Variants in HSD17B4 observed in about 807,000 individuals in gnomAD.
The protein encoded by HSD17B4 is hydroxysteroid 17-beta dehydrogenase 4.
HSD17B4 carries 70 observed loss-of-function variants against 101.0 expected under a neutral mutation model. The ratio of observed to expected loss-of-function variants is 0.69; its 90% CI spans 0.57 to 0.85. The LOEUF (loss-of-function observed/expected upper bound fraction) is 0.85, where lower values mean the gene tolerates loss of function less well. HSD17B4 is among the 40% of genes least tolerant of loss of function. The pLI, the probability that HSD17B4 is intolerant of heterozygous loss-of-function variation, is 0.00. For synonymous variants in HSD17B4, 347 were observed against 297.1 expected, an observed-to-expected ratio of 1.17 and a Z score of -1.73; for missense variants, 984 against 892.4, an observed-to-expected ratio of 1.10 and a Z score of -1.31.
chr5:119,522,146 TCA>T (rs774875183), intron 17 of HSD17B4, among the ~76,000 whole-genome samples: 4 of 152,004 alleles, frequency 2.6e-5, no homozygotes, highest in Non-Finnish European at 5.9e-5. Context: ...CCAAGTGTTC[TCA>T]TTATTCAATT....
intron 8 of HSD17B4, among the ~76,000 whole-genome samples, chr5:119,482,778 C>A (rs564562392): frequency 1.1e-4 from 17 of 151,898 alleles, no homozygotes; most frequent in African/African-American, 3.9e-4. Flanking sequence ...ATACTGGAGC[C>A]CTGTTGATGG....
chr5:119,464,311 A>G lies in HSD17B4; in HGVS notation c.112+7943A>G, dbSNP rs1379661621. Among the ~76,000 whole-genome samples, 4 of 152,032 alleles carry G rather than the reference A, an allele frequency of 2.6e-5. No homozygotes were observed. In the East Asian group the frequency reaches 5.8e-4, roughly 22 times the overall value. ...CCGTATGTTTTCTTCTAGTAGTTTCATAGTTTCAGGTCTTATGTTTAGGTT... is the reference window on the plus strand; with the variant it reads ...CCGTATGTTTTCTTCTAGTAGTTTCGTAGTTTCAGGTCTTATGTTTAGGTT... On this transcript the variant is annotated intron_variant, in intron 2 of 23. Coordinates refer to ENST00000510025, the MANE Select transcript of HSD17B4 (RefSeq NM_000414.4).
intron 16 of HSD17B4, among the ~76,000 whole-genome samples, chr5:119,510,061 T>C (rs1057055511): frequency 3.3e-5 from 5 of 152,224 alleles, no homozygotes; most frequent in Non-Finnish European, 7.3e-5. Context: ...TTACCATATA[T>C]GTAATCTTAT....
intron 14 of HSD17B4, among the ~76,000 whole-genome samples, 158 bp downstream of exon 14, chr5:119,502,250 T>C (rs538562783): frequency 2.0e-4 from 31 of 152,302 alleles, no homozygotes; most frequent in African/African-American, 7.2e-4. Context: ...TGATGTTAAC[T>C]AGTATCTGTT....
chr5:119,534,883 C>T (rs1754408977), intron 22 of HSD17B4, among the ~76,000 whole-genome samples: 2 of 152,034 alleles, frequency 1.3e-5, no homozygotes, highest in Non-Finnish European at 2.9e-5. Context: ...TTCAAAAGTA[C>T]ACACAAGTGC....
intron 2 of HSD17B4, among the ~76,000 whole-genome samples, chr5:119,465,891 T>A (rs190202036): frequency 1.6e-3 from 238 of 152,346 alleles, no homozygotes; most frequent in African/African-American, 5.2e-3. Context: ...TGGGCATTTT[T>A]ATTTTGTTCC....
intron 14 of HSD17B4, among the ~76,000 whole-genome samples, chr5:119,503,899 G>A (rs1379279228): frequency 1.3e-5 from 2 of 152,088 alleles, no homozygotes; most frequent in African/African-American, 4.8e-5. Flanking sequence ...CAGGTAGTGA[G>A]CATAGTACCC....
chr5:119,490,574 ATT>A (rs1376828858), intron 9 of HSD17B4, among the ~76,000 whole-genome samples: 1 of 151,172 alleles, frequency 6.6e-6, no homozygotes, highest in Non-Finnish European at 1.5e-5. Flanking sequence ...TTTTATTTTT[ATT>A]TTTTTTGAGG....
intron 11 of HSD17B4, among the ~76,000 whole-genome samples, chr5:119,494,487 G>A (rs1750450956): frequency 6.6e-6 from 1 of 151,770 alleles, no homozygotes; most frequent in African/African-American, 2.4e-5. Context: ...CTTTGCTACT[G>A]TTTCTTTGCT....
In HSD17B4 at chr5:119,495,378, A is replaced by T. The variant is rs36121886; in HGVS notation, c.869-1165A>T. Among the ~76,000 whole-genome samples the T allele has an allele frequency of 5.2e-3, 792 of 152,324 alleles. 8 individuals carry two copies. Among genetic ancestry groups the T allele is most frequent in the African/African-American group, 0.018 (758 of 41,590 alleles). The stretch of plus-strand genomic sequence containing the variant: ...TACCTCTATTTGAAGCACAATTTTT[A>T]AAAAATGATCTTTTCGATAAGAATT... On this transcript the variant is annotated intron_variant, in intron 11 of 23. Coordinates refer to ENST00000510025, the MANE Select transcript of HSD17B4 (RefSeq NM_000414.4).
chr5:119,535,298 C>G (rs922738418), intron 22 of HSD17B4, among the ~76,000 whole-genome samples: 2 of 151,760 alleles, frequency 1.3e-5, no homozygotes, highest in Non-Finnish European at 2.9e-5. Context: ...TCAATTGTCC[C>G]AATAATGTCC....
intron 8 of HSD17B4, among the ~76,000 whole-genome samples, chr5:119,483,187 C>A (rs373022503): frequency 1.8e-4 from 27 of 152,178 alleles, no homozygotes; most frequent in African/African-American, 6.5e-4. Context: ...AAGATTGGGC[C>A]CTCCTAAGAT....
intron 17 of HSD17B4, among the ~76,000 whole-genome samples, chr5:119,520,360 A>G (rs577191168): frequency 3.3e-5 from 5 of 152,208 alleles, no homozygotes; most frequent in Admixed American, 2.0e-4. Flanking sequence ...CTCTTTCTTC[A>G]TGTGGTGTAT....
Position 119,474,408 on chromosome 5 carries a change from G to A in HSD17B4, c.228G>A (p.Val76=), listed in dbSNP as rs1433204886. ...GGKAVANYDS[V]EEGEKVVKTA... ...AATTTTCCTTTCCCTCAGATTCAGT[G>A]GAAGAAGGAGAGAAGGTTGTGAAGA... is the stretch of plus-strand genomic sequence containing the variant. The change falls in exon 4 of 24, where the codon GTG becomes GTA. Residue 76 remains valine (V), a synonymous_variant. Transcript: ENST00000510025. 9.3e-6 allele frequency: 15 copies of A among 1,607,702 alleles called. 1 individual carries two copies. In the Admixed American group the frequency reaches 2.5e-4, roughly 27 times the overall value.
rs377508646 is a variant in HSD17B4, at chr5:119,530,574, C to T, written c.1854+594C>T. Among the ~76,000 whole-genome samples the T allele has an allele frequency of 9.7e-4, 146 of 150,704 alleles. 1 individual carries two copies. The highest frequency in any genetic ancestry group is 3.2e-3 in the African/African-American group (132 of 41,308). Reference sequence around the variant, plus strand: ...GTCTAAGAAAAAAAAAAACTTAGAGCGGGCTCGGTGCCTCACGCCTGTAAT... The same window carrying T: ...GTCTAAGAAAAAAAAAAACTTAGAGTGGGCTCGGTGCCTCACGCCTGTAAT... On this transcript the variant is annotated intron_variant, in intron 21 of 23. Transcript: ENST00000510025.
intron 2 of HSD17B4, among the ~76,000 whole-genome samples, chr5:119,459,964 G>A (rs967184432): frequency 2.7e-5 from 4 of 149,670 alleles, no homozygotes; most frequent in African/African-American, 7.4e-5. Flanking sequence ...TCCACCTCCC[G>A]GGTTCACGCC....
At chr5:119,469,703 T>G (rs1203343459) in intron 2 of HSD17B4, among the ~76,000 whole-genome samples, 2 of 152,258 alleles carry the variant, frequency 1.3e-5, no homozygotes, top group Admixed American at 6.5e-5. Flanking sequence ...GTGTGTCTAG[T>G]AGAACAGTCG....
At chr5:119,470,407 A>G (rs1234226266) in intron 2 of HSD17B4, among the ~76,000 whole-genome samples, 2 of 152,118 alleles carry the variant, frequency 1.3e-5, no homozygotes, top group Non-Finnish European at 2.9e-5. Flanking sequence ...AAATGGTGTC[A>G]TACTGTAACA....
chr5:119,512,332 C>T (rs1752249931), intron 16 of HSD17B4, among the ~76,000 whole-genome samples: 1 of 151,966 alleles, frequency 6.6e-6, no homozygotes, highest in Non-Finnish European at 1.5e-5. Flanking sequence ...CATTATACAT[C>T]CAAGAAGCTC....
Sources: gnomAD v4.1 joint callset for allele counts (sites outside exome capture counted in the v4.1 genomes callset) on GRCh38, gnomAD v4.1.1 for gene constraint, MANE v1.5 for transcripts, NCBI Gene and HGNC (gene_info 2026-07-23, HGNC 2026-07-21) for gene names.